The following PRR33 variants were observed in gnomAD, a reference collection of about 807,000 sequenced individuals.
The protein encoded by PRR33 is proline-rich protein 33.
In PRR33, 1 loss-of-function variant was observed where a neutral mutation model predicts 0.5. The ratio of observed to expected loss-of-function variants is 2.18; its 90% confidence interval spans 0.77 to 10.34. The LOEUF (loss-of-function observed/expected upper bound fraction) is 10.34. Among genes scored for constraint, PRR33 ranks in the 30% most tolerant of loss-of-function variants. The probability of loss-of-function intolerance (pLI) is 0.13; values close to 1 mark genes in which losing one functional copy is unlikely to be tolerated. For missense variants in PRR33, 552 were observed against 251.8 expected (o/e 2.19, Z -8.07); for synonymous variants, 226 against 110.0 (o/e 2.06, Z -6.60).
At chr11:1,914,227 CTGTG>C in the PRR33 span, among the ~76,000 whole-genome samples, 3 of 151,042 alleles carry the variant, frequency 2.0e-5, no homozygotes, top group East Asian at 2.0e-4. Context: ...GATGATGTTT[CTGTG>C]TGTGTGTGTG....
At chr11:1,892,471 C>T (rs947490492), upstream of PRR33, among the ~76,000 whole-genome samples, 6 of 152,214 alleles carry the variant, frequency 3.9e-5, no homozygotes, top group Non-Finnish European at 8.8e-5. Flanking sequence ...GGGTGGGGTC[C>T]GGGCTTCCTT....
the PRR33 span, among the ~76,000 whole-genome samples, chr11:1,913,980 G>C: frequency 1.1e-4 from 17 of 152,370 alleles, no homozygotes; most frequent in East Asian, 1.5e-3. Flanking sequence ...CAGCATAGCT[G>C]CTTGCCTCCT....
At chr11:1,898,705 C>G in the PRR33 span, among the ~76,000 whole-genome samples, 1 of 152,022 alleles carries the variant, frequency 6.6e-6, no homozygotes, top group Non-Finnish European at 1.5e-5. Context: ...ACAAAGGCAC[C>G]CTCAACATTT....
exon 1 of PRR33, chr11:1,889,330 C>A (rs1362002947): frequency 2.8e-6 from 2 of 710,870 alleles, no homozygotes; most frequent in Non-Finnish European, 5.2e-6. Context: ...CCGCTGGGCC[C>A]TGCCAGGCGC....
At chr11:1,908,334 A>C in the PRR33 span, among the ~76,000 whole-genome samples, 1 of 82,526 alleles carries the variant, frequency 1.2e-5, no homozygotes, top group Non-Finnish European at 2.2e-5. Context: ...CCACCCCCAA[A>C]TAAACTCACT....
upstream of PRR33, among the ~76,000 whole-genome samples, chr11:1,894,753 G>A (rs925143565): frequency 2.0e-5 from 3 of 152,150 alleles, no homozygotes; most frequent in African/African-American, 7.2e-5. Context: ...TTTGAATGAT[G>A]GAAAGTAATG....
chr11:1,913,294 CT>C, the PRR33 span, among the ~76,000 whole-genome samples: 384 of 95,444 alleles, frequency 4.0e-3, no homozygotes, highest in African/African-American at 0.011. Flanking sequence ...GCCCAGCTAA[CT>C]TTTTTGTTTT....
chr11:1,914,337 G>T, the PRR33 span, among the ~76,000 whole-genome samples: 1 of 149,510 alleles, frequency 6.7e-6, no homozygotes, highest in East Asian at 1.9e-4. Context: ...GTGTCTGTAT[G>T]TGTTGTAGGG....
exon 1 of PRR33, chr11:1,890,851 C>T (rs1402419027): frequency 7.8e-6 from 4 of 514,702 alleles, no homozygotes; most frequent in African/African-American, 1.9e-5. Flanking sequence ...TAGAACCTGC[C>T]TCCAGGGCTC....
chr11:1,916,846 G>A, the PRR33 span, among the ~76,000 whole-genome samples: 37 of 152,196 alleles, frequency 2.4e-4, 1 homozygote, highest in Admixed American at 2.2e-3. Flanking sequence ...CTGGAAACCT[G>A]GAGGTCAGGC....
chr11:1,890,632 C>T (rs1266270483), exon 1 of PRR33: 1 of 676,642 alleles, frequency 1.5e-6, no homozygotes, highest in South Asian at 1.5e-5. Context: ...AGCCCTCCTC[C>T]CTCCTGAGGT....
At chr11:1,910,606 T>C in the PRR33 span, among the ~76,000 whole-genome samples, 1 of 152,156 alleles carries the variant, frequency 6.6e-6, no homozygotes. Context: ...CAGGTGGTTC[T>C]TCGAAACTGA....
At chr11:1,914,724 C>G in the PRR33 span, among the ~76,000 whole-genome samples, 12 of 128,552 alleles carry the variant, frequency 9.3e-5, no homozygotes, top group South Asian at 2.6e-4. Context: ...TGATGTTGCT[C>G]TGTGTGTGTG....
chr11:1,898,510 C>T, the PRR33 span, among the ~76,000 whole-genome samples: 1 of 151,052 alleles, frequency 6.6e-6, no homozygotes, highest in Non-Finnish European at 1.5e-5. Flanking sequence ...GCTGGGATTA[C>T]AGGCGTGAGC....
exon 1 of PRR33, chr11:1,888,908 C>A (rs758569544): frequency 4.3e-6 from 2 of 463,058 alleles, no homozygotes; most frequent in Non-Finnish European, 7.6e-6. Context: ...CTGTTCCCCT[C>A]ACACCACTGC....
chr11:1,901,170 G>A, the PRR33 span, among the ~76,000 whole-genome samples: 27 of 152,244 alleles, frequency 1.8e-4, no homozygotes, highest in Non-Finnish European at 2.6e-4. Context: ...AAATTAGTCG[G>A]GCGTTGTGGC....
chr11:1,889,948 T>G, exon 1 of PRR33: 1 of 626,486 alleles, frequency 1.6e-6, no homozygotes, highest in Non-Finnish European at 2.9e-6. Context: ...GGACTTGGGG[T>G]GGCATCTCCA....
chr11:1,891,637 TGG>T (rs1176944917), exon 1 of PRR33: 3 of 153,048 alleles, frequency 2.0e-5, no homozygotes, highest in African/African-American at 7.3e-5. Flanking sequence ...TGTGGTGGAG[TGG>T]GGGTGTGGGC....
At chr11:1,902,388 G>A in the PRR33 span, among the ~76,000 whole-genome samples, 24 of 152,282 alleles carry the variant, frequency 1.6e-4, no homozygotes, top group African/African-American at 5.5e-4. Flanking sequence ...TGGGCTCAGC[G>A]TGGGTGGATC....
Sources: allele counts gnomAD v4.1 joint callset (sites outside exome capture counted in the v4.1 genomes callset), GRCh38; gene constraint gnomAD v4.1.1; transcripts MANE v1.5; gene names NCBI Gene and HGNC (gene_info 2026-07-23, HGNC 2026-07-21).